MFN1: variants seen among roughly 807,000 people sequenced by gnomAD.
MFN1 encodes the protein mitofusin-1.
A neutral mutation model predicts 92.4 loss-of-function variants in MFN1; 65 were observed. The observed-to-expected ratio is 0.70, with a 90% CI of 0.58 to 0.86. MFN1 has a LOEUF of 0.86. Ranked by LOEUF, MFN1 falls within the 40% of genes least tolerant of loss-of-function variation. The pLI is 0.00. For synonymous variants in MFN1, 297 were observed against 300.9 expected (o/e 0.99, Z 0.13); for missense variants, 781 against 868.0 (o/e 0.90, Z 1.26).
In MFN1 at chr3:179,392,936, A is replaced by G. The variant is rs1197172176; in HGVS notation, c.*877A>G. The G allele has an allele frequency of 1.3e-5, 2 of 152,212 alleles. No homozygotes were observed. The highest frequency in any genetic ancestry group is 4.8e-5 in the African/African-American group (2 of 41,444). The allele number at this position is 152,212 out of a possible 1,614,324, so 9.4% of individuals were successfully genotyped here. A position where few individuals can be genotyped will look rare whatever the true frequency, so the allele number is the denominator to read the frequency against. ...TGTATGAATTTTCCAGGATTTCATT[A>G]AAAATTATTATTGTATTTTTTACCT... is the stretch of plus-strand genomic sequence containing the variant. On this transcript the variant is annotated 3_prime_UTR_variant, in exon 18 of 18. Coordinates refer to ENST00000471841, the MANE Select transcript of MFN1 (RefSeq NM_033540.3).
At chr3:179,389,966 G>T in intron 16 of MFN1, 38 bp from the exon 17 acceptor site, 2 of 1,548,966 alleles carry the variant, frequency 1.3e-6, no homozygotes, top group South Asian at 1.3e-5. Context: ...ATTCATTTTT[G>T]AAGACATTTA....
At chr3:179,385,012 TCTC>T (rs1181789773) in intron 14 of MFN1, among the ~76,000 whole-genome samples, 3 of 148,972 alleles carry the variant, frequency 2.0e-5, no homozygotes, top group Non-Finnish European at 4.5e-5. Flanking sequence ...TTCACGCCAT[TCTC>T]CTGCCTCAGC....
At chr3:179,360,558 A>G (rs9852174) in intron 4 of MFN1, among the ~76,000 whole-genome samples, 1 of 151,992 alleles carries the variant, frequency 6.6e-6, no homozygotes, top group Admixed American at 6.5e-5. Flanking sequence ...CCAAAAAAAA[A>G]AAAAAATAAA....
intron 4 of MFN1, among the ~76,000 whole-genome samples, 200 bp from the exon 5 acceptor site, chr3:179,362,158 G>A (rs902067642): frequency 6.6e-6 from 1 of 152,072 alleles, no homozygotes; most frequent in East Asian, 1.9e-4. Context: ...TTCTGTTGCT[G>A]GAGTTCTTTT....
chr3:179,363,951 G>A (rs1207971533), intron 5 of MFN1, among the ~76,000 whole-genome samples: 1 of 151,824 alleles, frequency 6.6e-6, no homozygotes, highest in African/African-American at 2.4e-5. Context: ...GCAGCTCCTA[G>A]TACAGTTGGT....
At chr3:179,389,809 G>C (rs1713832031) in intron 16 of MFN1, among the ~76,000 whole-genome samples, 195 bp from the exon 17 acceptor site, 2 of 151,966 alleles carry the variant, frequency 1.3e-5, no homozygotes, top group East Asian at 3.9e-4. Context: ...TATAGCAGAG[G>C]TAATATCGTC....
chr3:179,375,439 C>T, intron 10 of MFN1, 98 bp downstream of exon 10: 1 of 1,431,244 alleles, frequency 7.0e-7, no homozygotes, highest in African/African-American at 1.4e-5. Flanking sequence ...ATACTTTTTA[C>T]ACTGAAATCA....
chr3:179,357,925 A>C (rs373246704), intron 3 of MFN1, among the ~76,000 whole-genome samples: 112 of 152,212 alleles, frequency 7.4e-4, no homozygotes, highest in Non-Finnish European at 1.4e-3. Flanking sequence ...CTTCACTCAC[A>C]TGTCTGGGAC....
intron 13 of MFN1, 46 bp downstream of exon 13, chr3:179,378,489 C>A: frequency 6.5e-7 from 1 of 1,533,878 alleles, no homozygotes; most frequent in Non-Finnish European, 8.9e-7. Context: ...TTTTTTCATT[C>A]ATGACTGGTG....
intron 9 of MFN1, among the ~76,000 whole-genome samples, chr3:179,368,363 A>C (rs1297554203): frequency 6.6e-6 from 1 of 152,238 alleles, no homozygotes; most frequent in Non-Finnish European, 1.5e-5. Context: ...CTGTGTTTCA[A>C]TATTGCTGTG....
intron 7 of MFN1, among the ~76,000 whole-genome samples, chr3:179,366,523 A>G (rs552218441): frequency 6.6e-6 from 1 of 152,126 alleles, no homozygotes; most frequent in Non-Finnish European, 1.5e-5. Context: ...AGATTATTAT[A>G]TGTAGAGGAC....
intron 16 of MFN1, among the ~76,000 whole-genome samples, chr3:179,389,065 AC>A (rs1179251760): frequency 1.3e-5 from 2 of 152,246 alleles, no homozygotes; most frequent in Non-Finnish European, 2.9e-5. Context: ...TGTTGCAGAT[AC>A]AAAATCAAAG....
chr3:179,359,345 C>T (rs1249785911), intron 4 of MFN1, among the ~76,000 whole-genome samples: 2 of 151,492 alleles, frequency 1.3e-5, no homozygotes, highest in Non-Finnish European at 2.9e-5. Context: ...TGGTCTCAAA[C>T]TCCTGACCTC....
chr3:179,353,461 G>A (rs1314692446), intron 3 of MFN1, among the ~76,000 whole-genome samples: 1 of 151,620 alleles, frequency 6.6e-6, no homozygotes, highest in Non-Finnish European at 1.5e-5. Flanking sequence ...ACTCACCTCG[G>A]CCTCCCAAAG....
At chr3:179,369,992 A>G (rs1712957744) in intron 9 of MFN1, among the ~76,000 whole-genome samples, 1 of 152,222 alleles carries the variant, frequency 6.6e-6, no homozygotes, top group Non-Finnish European at 1.5e-5. Flanking sequence ...TCAGTTAAAA[A>G]TTATTTGAAT....
At chr3:179,353,053 A>AC (rs1230759944) in intron 3 of MFN1, among the ~76,000 whole-genome samples, 28 of 117,954 alleles carry the variant, frequency 2.4e-4, no homozygotes, top group Admixed American at 1.7e-4. Context: ...CATCCAGCCT[A>AC]AATTTTTTTT....
chr3:179,377,891 T>C (rs2108548631), intron 12 of MFN1, among the ~76,000 whole-genome samples: 1 of 152,024 alleles, frequency 6.6e-6, no homozygotes, highest in African/African-American at 2.4e-5. Flanking sequence ...GGTGAAACCC[T>C]GTCTACTAAA....
chr3:179,352,943 G>T (rs906214108), intron 3 of MFN1, among the ~76,000 whole-genome samples: 1 of 151,272 alleles, frequency 6.6e-6, no homozygotes, highest in Non-Finnish European at 1.5e-5. Flanking sequence ...GTAGAGGTGG[G>T]GTTTCACCAT....
At chr3:179,348,393 T>C (rs575855764) in intron 1 of MFN1, among the ~76,000 whole-genome samples, 3 of 152,376 alleles carry the variant, frequency 2.0e-5, no homozygotes, top group African/African-American at 7.2e-5. Flanking sequence ...CTTACCTTTC[T>C]AAATGTCAGC....
Sources: gnomAD v4.1 joint callset for allele counts (sites outside exome capture counted in the v4.1 genomes callset) on GRCh38, gnomAD v4.1.1 for gene constraint, MANE v1.5 for transcripts, NCBI Gene and HGNC (gene_info 2026-07-23, HGNC 2026-07-21) for gene names.